Variants in MMUT observed in about 807,000 individuals in gnomAD.
The protein encoded by MMUT is methylmalonyl-CoA mutase.
MMUT carries 79 observed loss-of-function variants against 79.9 expected under a neutral mutation model. The observed-to-expected ratio is 0.99, with a 90% CI of 0.82 to 1.19. The LOEUF (loss-of-function observed/expected upper bound fraction) is 1.19, where lower values mean the gene tolerates loss of function less well. MMUT is among the 50% of genes most tolerant of loss of function. The probability of loss-of-function intolerance (pLI) is 0.00; values close to 1 mark genes in which losing one functional copy is unlikely to be tolerated. For missense variants in MMUT, 860 were observed against 917.2 expected (o/e 0.94, Z 0.81); for synonymous variants, 273 against 295.7 (o/e 0.92, Z 0.79).
At chr6:49,433,863 T>C (rs151108187) in intron 12 of MMUT, among the ~76,000 whole-genome samples, 56 of 152,334 alleles carry the variant, frequency 3.7e-4, no homozygotes, top group Middle Eastern at 6.8e-3. Context: ...GCTATAATTA[T>C]ATAATACCCA....
rs1767684011 is a variant in MMUT at position 49,456,232 on chromosome 6, C to T, written c.759G>A (p.Met253Ile). ...TAATTGAAATTGAATTAAATTTTGGCATGTGCTACATAAAAAAAAAAATTG... is the reference window on the plus strand; with the variant it reads ...TAATTGAAATTGAATTAAATTTTGGTATGTGCTACATAAAAAAAAAAATTG... ...ADIFEYTAKH[M>I]PKFNSISISG... is the part of the protein sequence containing the mutation. Residue 253 changes from methionine to isoleucine, a missense_variant, in exon 4 of 13, where the codon ATG becomes ATA. Coordinates refer to ENST00000274813, the MANE Select transcript of MMUT (RefSeq NM_000255.4). 2.5e-6 allele frequency: 4 copies of T among 1,604,618 alleles called. No homozygotes were observed. The highest frequency in any genetic ancestry group is 8.5e-7 in the Non-Finnish European group (1 of 1,172,372).
chr6:49,449,026 A>G (rs1199268134), intron 6 of MMUT, 99 bp from the exon 7 acceptor site: 2 of 613,986 alleles, frequency 3.3e-6, no homozygotes, highest in South Asian at 2.5e-5. Context: ...TAATATTAAT[A>G]AAATTATAAA....
chr6:49,457,540 A>G, intron 3 of MMUT, 151 bp downstream of exon 3: 1 of 639,518 alleles, frequency 1.6e-6, no homozygotes, highest in South Asian at 2.3e-5. Flanking sequence ...ACAGAACATA[A>G]AATTAGTACA....
rs1339651245 is a variant in MMUT, at chr6:49,431,365, A to G, written c.*363T>C. ...TAATGCTAAACTGACAAATGGGAAT[A>G]GTCAGAGTTTTTTTAGGTACAGTTT... On this transcript the variant is annotated 3_prime_UTR_variant, in exon 13 of 13. Transcript: ENST00000274813. 6.1e-6 allele frequency: 1 copy of G among 163,196 alleles called. No individual in the cohort carries two copies. Among genetic ancestry groups the G allele is most frequent in the Non-Finnish European group, 1.3e-5 (1 of 75,102 alleles). The allele number at this position is 163,196 out of a possible 1,614,324, so 10.1% of individuals were successfully genotyped here. A position where few individuals can be genotyped will look rare whatever the true frequency, so the allele number is the denominator to read the frequency against.
chr6:49,453,698 C>A lies in MMUT; in HGVS notation c.970G>T (p.Ala324Ser), dbSNP rs780387525. 2.5e-6 allele frequency: 4 copies of A among 1,613,340 alleles called. No homozygotes were observed. The Admixed American group carries it at 6.7e-5, about 27-fold the overall frequency. The change falls in exon 5 of 13, where the codon GCT becomes TCT. Residue 324 changes from alanine to serine, a missense_variant. Ala to Ser is a moderately conservative substitution (Grantham distance 99). Transcript: ENST00000274813. ...NFYMEIAKMR[A>S]GRRLWAHLIE... Reference sequence around the variant, plus strand: ...AAGTGAGCCCAGAGTCTTCTACCAGCTCTCATCTTTGCTATTTCCATATAG... The same window carrying A: ...AAGTGAGCCCAGAGTCTTCTACCAGATCTCATCTTTGCTATTTCCATATAG...
chr6:49,456,031 C>T (rs1367092347), intron 4 of MMUT, 49 bp downstream of exon 4: 2 of 1,438,704 alleles, frequency 1.4e-6, no homozygotes, highest in Admixed American at 1.7e-5. Flanking sequence ...ATAAAATGGT[C>T]CTATGCATTT....
Position 49,456,243 on chromosome 6 carries a change from T to TAA in MMUT, c.754-8_754-7dup. The TAA allele has an allele frequency of 7.7e-5, 100 of 1,298,938 alleles. No individual in the cohort carries two copies. The highest frequency in any genetic ancestry group is 2.1e-4 in the Middle Eastern group (1 of 4,834). 80.5% of individuals were successfully genotyped at this position (1,298,938 alleles called of 1,614,324 possible). On this transcript the variant is annotated splice_polypyrimidine_tract_variant and splice_region_variant and intron_variant, in intron 3 of 12. Coordinates refer to ENST00000274813, the MANE Select transcript of MMUT (RefSeq NM_000255.4). Reference sequence around the variant, plus strand: ...GAATTAAATTTTGGCATGTGCTACATAAAAAAAAAAATTGTAACAGTGAAT... The same window carrying TAA: ...GAATTAAATTTTGGCATGTGCTACATAAAAAAAAAAAAATTGTAACAGTGAAT...
At chr6:49,442,429 G>C (rs545059558) in intron 9 of MMUT, among the ~76,000 whole-genome samples, 2 of 152,130 alleles carry the variant, frequency 1.3e-5, no homozygotes, top group East Asian at 3.9e-4. Flanking sequence ...CTACTATAGC[G>C]ATACAGTAAT....
chr6:49,451,698 A>G lies in MMUT; in HGVS notation c.1100T>C (p.Ile367Thr). The change falls in exon 6 of 13, where the codon ATT (isoleucine) becomes ACT (threonine). Residue 367 changes from isoleucine to threonine, a missense_variant. Ile to Thr is a moderately conservative substitution (Grantham distance 89, BLOSUM62 -1). Transcript: ENST00000274813. The stretch of plus-strand genomic sequence containing the variant: ...CATTGCTTCTATTGCAGTACGGACA[A>G]TATTATTGTAGGGATCCTAAAATAT... ...SLTEQDPYNNIVRTAIEAMAA... is the reference protein window; with the variant it reads ...SLTEQDPYNNTVRTAIEAMAA... 6.2e-7 allele frequency: 1 copy of G among 1,613,942 alleles called. No individual in the cohort carries two copies. Among genetic ancestry groups the G allele is most frequent in the East Asian group, 2.2e-5 (1 of 44,870 alleles).
intron 4 of MMUT, among the ~76,000 whole-genome samples, chr6:49,455,649 C>T (rs1435916651): frequency 6.6e-6 from 1 of 151,990 alleles, no homozygotes; most frequent in Non-Finnish European, 1.5e-5. Context: ...ATTTTTCATA[C>T]AACATTATTA....
chr6:49,436,696 A>G (rs1427423931), intron 11 of MMUT, among the ~76,000 whole-genome samples: 1 of 152,148 alleles, frequency 6.6e-6, no homozygotes, highest in African/African-American at 2.4e-5. Flanking sequence ...AATGCCCATC[A>G]GTGATAGACT....
In MMUT at chr6:49,459,080, A is replaced by G. The variant is rs1192889987; in HGVS notation, c.385+2T>C. 1 of 1,613,284 alleles carries G rather than the reference A, an allele frequency of 6.2e-7. No individual in the cohort carries two copies. Among genetic ancestry groups the G allele is most frequent in the Non-Finnish European group, 8.5e-7 (1 of 1,179,476 alleles). On this transcript the variant is annotated splice_donor_variant, in intron 2 of 12. Coordinates refer to ENST00000274813, the MANE Select transcript of MMUT (RefSeq NM_000255.4). LOFTEE classifies it high-confidence loss of function. The stretch of plus-strand genomic sequence containing the variant: ...ATATTATGTCTTACATTAAAATCTC[A>G]CCCTTAATGTTGTCCTTATAGAACT...
chr6:49,447,810 T>G, intron 7 of MMUT, 25 bp from the exon 8 acceptor site: 1 of 1,329,924 alleles, frequency 7.5e-7, no homozygotes, highest in Non-Finnish European at 1.1e-6. Context: ...AAGAAAAATT[T>G]TATTCACAAA....
intron 11 of MMUT, among the ~76,000 whole-genome samples, 169 bp downstream of exon 11, chr6:49,440,037 G>A (rs1767230482): frequency 1.3e-5 from 2 of 152,190 alleles, no homozygotes; most frequent in Admixed American, 6.5e-5. Context: ...TGCTTCTGGT[G>A]GGCCTTATGG....
chr6:49,448,198 A>G (rs915584907), intron 7 of MMUT, among the ~76,000 whole-genome samples: 1 of 152,050 alleles, frequency 6.6e-6, no homozygotes, highest in Non-Finnish European at 1.5e-5. Flanking sequence ...CTATTAGTAA[A>G]TCAAAATTAC....
chr6:49,440,108 G>T, intron 11 of MMUT, 98 bp downstream of exon 11: 2 of 1,446,058 alleles, frequency 1.4e-6, no homozygotes, highest in Non-Finnish European at 1.9e-6. Context: ...ACCAGGAGAT[G>T]TATTAATTTG....
At chr6:49,445,540 A>T (rs1036663633) in intron 8 of MMUT, among the ~76,000 whole-genome samples, 3 of 152,060 alleles carry the variant, frequency 2.0e-5, no homozygotes, top group Admixed American at 2.0e-4. Flanking sequence ...AGCAAAATTC[A>T]GGGATGTTCA....
chr6:49,452,334 A>T (rs1272203362), intron 5 of MMUT, among the ~76,000 whole-genome samples: 1 of 151,694 alleles, frequency 6.6e-6, no homozygotes, highest in African/African-American at 2.4e-5. Context: ...TTTTTATTTT[A>T]TTTATTTATT....
chr6:49,462,978 A>C (rs992030390), intron 1 of MMUT, 125 bp downstream of exon 1: 14 of 152,518 alleles, frequency 9.2e-5, no homozygotes, highest in African/African-American at 3.1e-4. Context: ...TCACAGTAGG[A>C]AGGTAAAGAA....
Sources: allele counts gnomAD v4.1 joint callset (sites outside exome capture counted in the v4.1 genomes callset), GRCh38; gene constraint gnomAD v4.1.1; transcripts MANE v1.5; gene names NCBI Gene and HGNC (gene_info 2026-07-23, HGNC 2026-07-21).